Variants in MMD2 observed in about 807,000 individuals in gnomAD.
MMD2 encodes the protein monocyte to macrophage differentiation associated 2.
In MMD2, 30 loss-of-function variants were observed where a neutral mutation model predicts 33.5. That is an observed-to-expected ratio of 0.90 (90% CI 0.67 to 1.22). The LOEUF (loss-of-function observed/expected upper bound fraction) is 1.22. Among genes scored for constraint, MMD2 ranks in the 50% most tolerant of loss-of-function variants. MMD2 has a pLI of 0.00. For synonymous variants in MMD2, 129 were observed against 123.0 expected, an observed-to-expected ratio of 1.05 and a Z score of -0.32; for missense variants, 364 against 325.4, an observed-to-expected ratio of 1.12 and a Z score of -0.91.
In MMD2 at chr7:4,920,924, C is replaced by G. The variant is rs955289484; in HGVS notation, c.130-593G>C. ...ATAGAGGTGGGGTCTGGCTATAATG[C>G]CCAGGCTGGTCTTGAACTCCTGACC... On this transcript the variant is annotated intron_variant, in intron 2 of 6. Coordinates refer to ENST00000401401, the MANE Select transcript of MMD2 (RefSeq NM_198403.4). 2.6e-5 allele frequency among the ~76,000 whole-genome samples: 4 copies of G among 152,022 alleles called. No individual in the cohort carries two copies. In the South Asian group the frequency reaches 8.3e-4, roughly 32 times the overall value.
chr7:4,944,467 C>T (rs972973609), intron 1 of MMD2, among the ~76,000 whole-genome samples: 1 of 152,146 alleles, frequency 6.6e-6, no homozygotes, highest in Non-Finnish European at 1.5e-5. Context: ...CACGCTGGAT[C>T]TGTGGAGCAG....
intron 1 of MMD2, among the ~76,000 whole-genome samples, chr7:4,958,565 A>C (rs941428080): frequency 2.6e-5 from 4 of 152,124 alleles, no homozygotes; most frequent in African/African-American, 9.7e-5. Flanking sequence ...TTTACCATGA[A>C]CAAGAGTGCC....
chr7:4,903,821 T>C (rs1167535652), downstream of MMD2, among the ~76,000 whole-genome samples: 1 of 152,086 alleles, frequency 6.6e-6, no homozygotes, highest in Non-Finnish European at 1.5e-5. Context: ...TGCCGACTGC[T>C]CTCCTGACTC....
intron 1 of MMD2, among the ~76,000 whole-genome samples, chr7:4,932,360 A>C (rs1583382520): frequency 6.6e-6 from 1 of 151,786 alleles, no homozygotes. Flanking sequence ...TCCTCCCTAA[A>C]CCTCTAGTCA....
chr7:4,950,826 G>A (rs1234947633), intron 1 of MMD2, among the ~76,000 whole-genome samples: 1 of 151,144 alleles, frequency 6.6e-6, no homozygotes, highest in African/African-American at 2.4e-5. Flanking sequence ...CAATTCTCGT[G>A]CCTCAGCCTC....
rs1337755594 is a variant in MMD2, at chr7:4,913,796, G to A, written c.365+2209C>T. Reference sequence around the variant, plus strand: ...CCTGCCTTAGCCTCCCGAGTAGTTGGGACCACAGGTGCCTGCCACCACGCC... The same window carrying A: ...CCTGCCTTAGCCTCCCGAGTAGTTGAGACCACAGGTGCCTGCCACCACGCC... On this transcript the variant is annotated intron_variant, in intron 4 of 6. Transcript: ENST00000401401. Among the ~76,000 whole-genome samples the A allele has an allele frequency of 4.0e-5, 6 of 151,000 alleles. No individual in the cohort carries two copies. In the South Asian group the frequency reaches 1.3e-3, roughly 32 times the overall value.
chr7:4,958,956 G>A lies in MMD2; in HGVS notation c.47+15C>T, dbSNP rs1786464518. 7.9e-7 allele frequency: 1 copy of A among 1,264,988 alleles called. No homozygotes were observed. The highest frequency in any genetic ancestry group is 2.8e-5 in the South Asian group (1 of 36,272). 78.4% of individuals were successfully genotyped at this position (1,264,988 alleles called of 1,614,324 possible). A position where few individuals can be genotyped will look rare whatever the true frequency, so the allele number is the denominator to read the frequency against. ...CCTCCCTCCCTCCCCGCGGACCTCC[G>A]CGGCCGCCGCTCACCTCGCGTATTT... On this transcript the variant is annotated intron_variant, in intron 1 of 6. Transcript: ENST00000401401.
downstream of MMD2, among the ~76,000 whole-genome samples, chr7:4,904,288 C>T (rs188840716): frequency 1.3e-5 from 2 of 152,320 alleles, no homozygotes; most frequent in African/African-American, 2.4e-5. Flanking sequence ...AGGACAGGGC[C>T]TTGCCCACCG....
At chr7:4,931,821 T>C (rs1785595304) in intron 1 of MMD2, among the ~76,000 whole-genome samples, 1 of 152,116 alleles carries the variant, frequency 6.6e-6, no homozygotes. Context: ...TCCCTTGGCC[T>C]CCCAAAGTGC....
In MMD2 at chr7:4,922,778, G is replaced by A. The variant is rs773703901; in HGVS notation, c.130-2447C>T. Among the ~76,000 whole-genome samples, 55 of 152,182 alleles carry A rather than the reference G, an allele frequency of 3.6e-4. 1 individual carries two copies. Among genetic ancestry groups the A allele is most frequent in the Non-Finnish European group, 5.3e-4 (36 of 68,022 alleles). On this transcript the variant is annotated intron_variant, in intron 2 of 6. Coordinates refer to ENST00000401401, the MANE Select transcript of MMD2 (RefSeq NM_198403.4). ...ATTTTGCGATCACCTACCATGCCTAGTATTCATTGAGTTCCTCTCTCACTC... is the reference window on the plus strand; with the variant it reads ...ATTTTGCGATCACCTACCATGCCTAATATTCATTGAGTTCCTCTCTCACTC...
chr7:4,959,082 GC>G lies in MMD2; in HGVS notation c.-66del. 1 of 1,219,854 alleles carries G rather than the reference GC, an allele frequency of 8.2e-7. No individual in the cohort carries two copies. Among genetic ancestry groups the G allele is most frequent in the Non-Finnish European group, 1.0e-6 (1 of 965,700 alleles). 75.6% of individuals were successfully genotyped at this position (1,219,854 alleles called of 1,614,324 possible). ...GCGGGTAGCTGGCAGAGCCTGGGGG[GC>G]GCGGCGGCGGCAGCAGCAGGTTGGA... On this transcript the variant is annotated 5_prime_UTR_variant, in exon 1 of 7. Transcript: ENST00000401401.
At chr7:4,898,139 C>A in the MMD2 span, among the ~76,000 whole-genome samples, 2 of 152,164 alleles carry the variant, frequency 1.3e-5, no homozygotes, top group African/African-American at 4.8e-5. Flanking sequence ...CCTCAAGGTC[C>A]CCCACGAACA....
chr7:4,920,155 T>G lies in MMD2; in HGVS notation c.290+16A>C. ...GACCCCCTACCCGGCATGGGTCCCCTCTGGGCGGGAGGCACCTGAGGTGGC... is the reference window on the plus strand; with the variant it reads ...GACCCCCTACCCGGCATGGGTCCCCGCTGGGCGGGAGGCACCTGAGGTGGC... On this transcript the variant is annotated intron_variant, in intron 3 of 6. Transcript: ENST00000401401. 6.4e-7 allele frequency: 1 copy of G among 1,553,250 alleles called. No homozygotes were observed. The highest frequency in any genetic ancestry group is 2.4e-5 in the East Asian group (1 of 41,106).
At chr7:4,902,741 G>A (rs879507244), downstream of MMD2, among the ~76,000 whole-genome samples, 6 of 152,154 alleles carry the variant, frequency 3.9e-5, no homozygotes, top group Non-Finnish European at 5.9e-5. Flanking sequence ...ATCTGGTTAC[G>A]CTGTACATGG....
the MMD2 span, among the ~76,000 whole-genome samples, chr7:4,897,156 G>A: frequency 2.7e-5 from 4 of 150,402 alleles, no homozygotes; most frequent in Non-Finnish European, 5.9e-5. Flanking sequence ...CACCACGCCC[G>A]GCCTTAATTA....
downstream of MMD2, among the ~76,000 whole-genome samples, chr7:4,904,371 T>G (rs563456869): frequency 1.3e-5 from 2 of 152,318 alleles, no homozygotes; most frequent in East Asian, 3.9e-4. Flanking sequence ...ATCCAGGGTC[T>G]GGGCTTGGGT....
the MMD2 span, among the ~76,000 whole-genome samples, chr7:4,893,405 T>TTTAA: frequency 6.7e-6 from 1 of 150,304 alleles, no homozygotes; most frequent in Non-Finnish European, 1.5e-5. Flanking sequence ...TATTTATTTA[T>TTTAA]TTTTGAGACA....
the MMD2 span, among the ~76,000 whole-genome samples, chr7:4,896,551 A>T: frequency 6.6e-6 from 1 of 152,208 alleles, no homozygotes; most frequent in Non-Finnish European, 1.5e-5. Flanking sequence ...AGCCACCAGC[A>T]TCAACCAACA....
intron 1 of MMD2, among the ~76,000 whole-genome samples, chr7:4,933,938 GC>G (rs1184230518): frequency 9.0e-6 from 1 of 111,246 alleles, no homozygotes; most frequent in Admixed American, 1.1e-4. Flanking sequence ...CGGCCACAAT[GC>G]CTTTTTTTTT....
Sources: allele counts gnomAD v4.1 joint callset (sites outside exome capture counted in the v4.1 genomes callset), GRCh38; gene constraint gnomAD v4.1.1; transcripts MANE v1.5; gene names NCBI Gene and HGNC (gene_info 2026-07-23, HGNC 2026-07-21).